WNT7B: variants seen among roughly 807,000 people sequenced by gnomAD.
WNT7B encodes protein Wnt-7b.
WNT7B carries 19 observed loss-of-function variants against 38.2 expected under a neutral mutation model. That is an observed-to-expected ratio of 0.50 (90% CI 0.35 to 0.73). The LOEUF is 0.73. WNT7B is among the 30% of genes least tolerant of loss of function. The pLI is 0.01. For synonymous variants in WNT7B, 243 were observed against 209.3 expected (o/e 1.16, Z -1.39); for missense variants, 423 against 507.9 (o/e 0.83, Z 1.61).
chr22:45,929,852 T>C (rs1931265371), intron 3 of WNT7B, among the ~76,000 whole-genome samples: 1 of 117,092 alleles, frequency 8.5e-6, no homozygotes, highest in African/African-American at 3.7e-5. Context: ...ATCCACCCAC[T>C]CATCCTTCCA....
intron 3 of WNT7B, among the ~76,000 whole-genome samples, chr22:45,929,183 A>G (rs1171548998): frequency 6.6e-6 from 1 of 152,130 alleles, no homozygotes; most frequent in African/African-American, 2.4e-5. Context: ...CTCCTCCTCC[A>G]GGGAGTCCTC....
intron 2 of WNT7B, among the ~76,000 whole-genome samples, chr22:45,943,247 G>A (rs375058463): frequency 2.1e-4 from 32 of 152,300 alleles, no homozygotes; most frequent in African/African-American, 6.3e-4. Flanking sequence ...GACCCCACCC[G>A]GGCTCGGGCT....
intron 2 of WNT7B, among the ~76,000 whole-genome samples, chr22:45,942,771 C>A (rs1349056944): frequency 1.3e-5 from 2 of 152,214 alleles, no homozygotes; most frequent in Non-Finnish European, 2.9e-5. Flanking sequence ...TGCGTCTGGG[C>A]CGCTTTTATT....
chr22:45,971,171 G>A (rs1014214873), intron 1 of WNT7B, among the ~76,000 whole-genome samples: 1 of 151,654 alleles, frequency 6.6e-6, no homozygotes, highest in Non-Finnish European at 1.5e-5. Context: ...GTGGCGCAGG[G>A]AGCGGGAAGG....
chr22:45,927,205 G>A (rs2146705974), intron 3 of WNT7B: 17 of 985,434 alleles, frequency 1.7e-5, no homozygotes, highest in Middle Eastern at 5.2e-4. Context: ...AGAGCTGGGG[G>A]CCGGGCACTG....
chr22:45,933,563 G>A (rs1931433605), intron 2 of WNT7B, among the ~76,000 whole-genome samples: 2 of 152,228 alleles, frequency 1.3e-5, no homozygotes, highest in South Asian at 4.1e-4. Flanking sequence ...TCTCATGGGG[G>A]TAGGGGGAGG....
intron 2 of WNT7B, among the ~76,000 whole-genome samples, chr22:45,943,032 T>C (rs1412780962): frequency 3.6e-5 from 5 of 138,560 alleles, no homozygotes; most frequent in East Asian, 3.9e-4. Context: ...TGTATGTGTG[T>C]GCGCGTGTGT....
chr22:45,968,882 A>C (rs1003790403), intron 1 of WNT7B, among the ~76,000 whole-genome samples: 1 of 152,204 alleles, frequency 6.6e-6, no homozygotes, highest in African/African-American at 2.4e-5. Context: ...TCACCATCCC[A>C]AGTGACCCAT....
chr22:45,923,279 G>A lies in WNT7B; in HGVS notation c.627C>T (p.Cys209=), dbSNP rs61733604. 3.8e-4 allele frequency: 606 copies of A among 1,613,292 alleles called. No homozygotes were observed. The Middle Eastern group carries it at 6.8e-3, about 18-fold the overall frequency. The change falls in exon 4 of 4, where the codon TGC becomes TGT. Residue 209 remains cysteine (C), a synonymous_variant. Transcript: ENST00000339464. ...ECKCHGVSGS[C]TTKTCWTTLP... The stretch of plus-strand genomic sequence containing the variant: ...GCGTGGTCCAGCAGGTTTTGGTGGT[G>A]CAGGAGCCAGACACGCCGTGGCACT...
At chr22:45,956,935 A>ACTGTG (rs1932077834) in intron 1 of WNT7B, among the ~76,000 whole-genome samples, 1 of 151,998 alleles carries the variant, frequency 6.6e-6, no homozygotes, top group African/African-American at 2.4e-5. Context: ...GTGAAGCCCC[A>ACTGTG]TCTCTACTAA....
intron 2 of WNT7B, chr22:45,936,015 G>C (rs1931505952): frequency 2.0e-6 from 2 of 985,394 alleles, no homozygotes; most frequent in Non-Finnish European, 2.4e-6. Context: ...CCAGATTCTA[G>C]AGCCAGCAGC....
At chr22:45,924,014 G>T (rs1931006049) in intron 3 of WNT7B, among the ~76,000 whole-genome samples, 1 of 152,166 alleles carries the variant, frequency 6.6e-6, no homozygotes, top group South Asian at 2.1e-4. Flanking sequence ...TGTTTTCCTT[G>T]GGCCTCCCTC....
At chr22:45,930,172 T>G (rs1465989223) in intron 3 of WNT7B, among the ~76,000 whole-genome samples, 1 of 152,164 alleles carries the variant, frequency 6.6e-6, no homozygotes, top group Non-Finnish European at 1.5e-5. Context: ...CCTGCACCCC[T>G]CATGTGGACC....
In WNT7B at chr22:45,931,138, C is replaced by G. The variant is rs757205124; in HGVS notation, c.530G>C (p.Arg177Pro). The change falls in exon 3 of 4, where the codon CGG becomes CCG. Residue 177 changes from arginine (R) to proline (P), a missense_variant. Arg to Pro is a moderately radical substitution (Grantham distance 103, BLOSUM62 -2). Coordinates refer to ENST00000339464, the MANE Select transcript of WNT7B (RefSeq NM_058238.3). ...VDAREIKKNA[R>P]RLMNLHNNEA... The stretch of plus-strand genomic sequence containing the variant: ...ATTGTTATGCAGGTTCATGAGGCGC[C>G]GCGCGTTCTTCTTGATCTCCCGAGC... 1.9e-6 allele frequency: 3 copies of G among 1,593,962 alleles called. No homozygotes were observed. The highest frequency in any genetic ancestry group is 1.3e-5 in the African/African-American group (1 of 74,758).
rs577821592 is a variant in WNT7B, at chr22:45,950,251, T to C, written c.72-105A>G. On this transcript the variant is annotated intron_variant, in intron 1 of 3. Transcript: ENST00000339464. ...AGCCTCTCAGTCACAGGCCCTGCAC[T>C]AGCTCCGCCCACCAGGGCACAAGCA... 1.7e-5 allele frequency: 16 copies of C among 954,334 alleles called. No homozygotes were observed. The East Asian group carries it at 3.4e-4, about 20-fold the overall frequency. The allele number at this position is 954,334 out of a possible 1,614,324, so 59.1% of individuals were successfully genotyped here.
intron 2 of WNT7B, among the ~76,000 whole-genome samples, chr22:45,945,669 C>A (rs1931777256): frequency 1.3e-5 from 2 of 152,218 alleles, no homozygotes; most frequent in South Asian, 4.1e-4. Context: ...GCCTGCAAAG[C>A]CCCGCAGGGC....
intron 2 of WNT7B, among the ~76,000 whole-genome samples, chr22:45,932,590 C>G (rs1931401952): frequency 6.6e-6 from 1 of 152,218 alleles, no homozygotes; most frequent in African/African-American, 2.4e-5. Flanking sequence ...CATCTCCAGG[C>G]CAGGCCCTGT....
chr22:45,934,916 C>T (rs1201635711), intron 2 of WNT7B, among the ~76,000 whole-genome samples: 4 of 152,220 alleles, frequency 2.6e-5, no homozygotes, highest in African/African-American at 2.4e-5. Flanking sequence ...GAGTCGCTGC[C>T]GTGGACTGTG....
At chr22:45,927,388 C>T (rs1466593972) in intron 3 of WNT7B, 2 of 1,515,324 alleles carry the variant, frequency 1.3e-6, no homozygotes, top group South Asian at 1.3e-5. Flanking sequence ...AGACTCTGCC[C>T]ATCTCACTCT....
Sources: gnomAD v4.1 joint callset for allele counts (sites outside exome capture counted in the v4.1 genomes callset) on GRCh38, gnomAD v4.1.1 for gene constraint, MANE v1.5 for transcripts, NCBI Gene and HGNC (gene_info 2026-07-23, HGNC 2026-07-21) for gene names.